TNXB: variants seen among roughly 807,000 people sequenced by gnomAD.
The protein encoded by TNXB is tenascin XB, also known as tenascin-X.
A neutral mutation model predicts 340.5 loss-of-function variants in TNXB; 183 were observed. The observed-to-expected ratio is 0.54, with a 90% CI of 0.48 to 0.61. The LOEUF is 0.61. Ranked by LOEUF, TNXB falls within the 20% of genes least tolerant of loss-of-function variation. The pLI, the probability that TNXB is intolerant of heterozygous loss-of-function variation, is 0.00. For missense variants in TNXB, 4,613 were observed against 5,446.4 expected (o/e 0.85, Z 4.82); for synonymous variants, 2,121 against 2,314.5 (o/e 0.92, Z 2.40).
rs1779823595 is a variant in TNXB, at chr6:32,087,144, G to A, written c.2780-1026C>T. ...CCCGGCCAGGTAGGGCCTGAAGGTA[G>A]AAGGGGGCAGTGGGGGGTGGCAGTG... is the stretch of plus-strand genomic sequence containing the variant. On this transcript the variant is annotated intron_variant, in intron 6 of 43. Coordinates refer to ENST00000644971, the MANE Select transcript of TNXB (RefSeq NM_001365276.2). This position sits in a 1 kb window ranked among gnomAD's most constrained non-coding sequence, Gnocchi z 9.0. 2.4e-6 allele frequency: 1 copy of A among 424,792 alleles called. No individual in the cohort carries two copies. Among genetic ancestry groups the A allele is most frequent in the African/African-American group, 2.0e-5 (1 of 49,702 alleles). The allele number at this position is 424,792 out of a possible 1,614,324, so 26.3% of individuals were successfully genotyped here.
intron 11 of TNXB, 90 bp downstream of exon 11, chr6:32,078,943 T>G: frequency 7.2e-7 from 1 of 1,383,812 alleles, no homozygotes; most frequent in Non-Finnish European, 9.7e-7. Flanking sequence ...AGCCTCAAGG[T>G]TCCACTGGAG....
rs765232560 is a variant in TNXB at position 32,050,041 on chromosome 6, G to C, written c.9396C>G (p.His3132Gln). The change falls in exon 27 of 44, where the codon CAC becomes CAG. Residue 3132 changes from histidine to glutamine, a missense_variant. Around this residue, in one of 7 missense-constraint regions of TNXB, gnomAD observed 4,327 missense variants for 4,859.4 expected, o/e 0.89. Transcript: ENST00000644971. ...HKYKMNLYGF[H>Q]GGQRVGPVSA... ...ACACAGGGCCTACGCGCTGGCCACC[G>C]TGGAAGCCGTACAGGTTCATCTTGT... is the stretch of plus-strand genomic sequence containing the variant. 6.2e-7 allele frequency: 1 copy of C among 1,613,812 alleles called. No individual in the cohort carries two copies. Among genetic ancestry groups the C allele is most frequent in the South Asian group, 1.1e-5 (1 of 91,088 alleles).
intron 13 of TNXB, among the ~76,000 whole-genome samples, chr6:32,071,712 A>G (rs764300826): frequency 2.6e-5 from 4 of 151,700 alleles, no homozygotes; most frequent in Non-Finnish European, 5.9e-5. Flanking sequence ...CAGACTCCCG[A>G]GTAGCTGGAA....
chr6:32,069,078 G>A lies in TNXB; in HGVS notation c.5646C>T (p.Pro1882=). The stretch of plus-strand genomic sequence containing the variant: ...CCTCCACTGTCAACTCCCCGAGGTG[G>A]GGCTCAGGCGCTGGAGGGGTCGGGG... ...TTAPTPPAPE[P]HLGELTVEEA... Residue 1882 remains proline (P), a synonymous_variant, in exon 16 of 44, where the codon CCC becomes CCT. Transcript: ENST00000644971. This position sits in a 1 kb window ranked among gnomAD's most constrained non-coding sequence, Gnocchi z 6.2. The A allele has an allele frequency of 1.2e-6, 2 of 1,612,718 alleles. No individual in the cohort carries two copies. Among genetic ancestry groups the A allele is most frequent in the South Asian group, 2.2e-5 (2 of 91,074 alleles).
At position 32,072,289 on chromosome 6, in the gene TNXB, G is replaced by T; in HGVS notation, c.4691C>A (p.Pro1564Gln). 1 of 1,597,488 alleles carries T rather than the reference G, an allele frequency of 6.3e-7. No individual in the cohort carries two copies. Among genetic ancestry groups the T allele is most frequent in the Non-Finnish European group, 8.5e-7 (1 of 1,170,308 alleles). Residue 1564 changes from proline (P) to glutamine (Q), a missense_variant, in exon 13 of 44, where the codon CCA (proline) becomes CAA (glutamine). Physicochemically the swap from Pro to Gln is moderately conservative, Grantham distance 76 (BLOSUM62 -1). This residue lies in a region of TNXB where 4,327 missense variants were observed against 4,859.4 expected (regional missense o/e 0.89). Coordinates refer to ENST00000644971, the MANE Select transcript of TNXB (RefSeq NM_001365276.2). This position sits in a 1 kb window ranked among gnomAD's most constrained non-coding sequence, Gnocchi z 4.4. ...LSVVIVTAPL[P>Q]PAPATEASKP... ...GGAGGCCTCTGTGGCTGGGGCTGGTGGGAGGGGAGCTGGGATTTGGGAAGA... is the reference window on the plus strand; with the variant it reads ...GGAGGCCTCTGTGGCTGGGGCTGGTTGGAGGGGAGCTGGGATTTGGGAAGA...
intron 1 of TNXB, among the ~76,000 whole-genome samples, chr6:32,102,927 A>C (rs1780794312): frequency 6.6e-6 from 1 of 152,118 alleles, no homozygotes; most frequent in Non-Finnish European, 1.5e-5. Flanking sequence ...TCAAAAAACA[A>C]ACAAAAAAAC....
In TNXB at chr6:32,050,071, AT is replaced by A. The variant is rs1777175670; in HGVS notation, c.9365del (p.His3122LeufsTer5). The part of the protein sequence containing the change: ...GVTISGLEPD[H>X]KYKMNLYGFH... ...AGCCGTACAGGTTCATCTTGTATTT[AT>A]GGTCTGGCTCCAGGCCTGAGATGGT... On this transcript the variant is annotated frameshift_variant, in exon 27 of 44. Transcript: ENST00000644971. LOFTEE classifies it high-confidence loss of function. 6.2e-7 allele frequency: 1 copy of A among 1,613,552 alleles called. No homozygotes were observed. Among genetic ancestry groups the A allele is most frequent in the African/African-American group, 1.3e-5 (1 of 74,900 alleles).
Position 32,058,424 on chromosome 6 carries a change from G to A in TNXB, c.7493-34C>T. 2 of 1,499,234 alleles carry A rather than the reference G, an allele frequency of 1.3e-6. No homozygotes were observed. Among genetic ancestry groups the A allele is most frequent in the African/African-American group, 1.4e-5 (1 of 70,932 alleles). The allele number at this position is 1,499,234 out of a possible 1,614,324, so 92.9% of individuals were successfully genotyped here. A position where few individuals can be genotyped will look rare whatever the true frequency, so the allele number is the denominator to read the frequency against. ...TAATATAGGGGGATACAGAGTTTAAGGGTTTAAGGGCAACTTGCTTTGCTG... is the reference window on the plus strand; with the variant it reads ...TAATATAGGGGGATACAGAGTTTAAAGGTTTAAGGGCAACTTGCTTTGCTG... On this transcript the variant is annotated intron_variant, in intron 21 of 43. Transcript: ENST00000644971. This position sits in a 1 kb window ranked among gnomAD's most constrained non-coding sequence, Gnocchi z 5.1.
rs373994388 is a variant in TNXB, at chr6:32,052,749, G to A, written c.9036C>T (p.Pro3012=). ...ESEVTVGGLE[P]GCKYKMHLYG... is the part of the protein sequence containing the mutation. ...ACAGGTGCATCTTGTATTTGCACCC[G>A]GGCTCCAGGCCCCCCACGGTGACCT... Residue 3012 remains proline (P), a synonymous_variant, in exon 26 of 44, where the codon CCC becomes CCT. Coordinates refer to ENST00000644971, the MANE Select transcript of TNXB (RefSeq NM_001365276.2). This position sits in a 1 kb window ranked among gnomAD's most constrained non-coding sequence, Gnocchi z 4.7. The A allele has an allele frequency of 9.9e-6, 16 of 1,613,524 alleles. No individual in the cohort carries two copies. Among genetic ancestry groups the A allele is most frequent in the Admixed American group, 8.3e-5 (5 of 59,984 alleles).
rs1355193511 is a variant in TNXB, at chr6:32,095,754, G to A, written c.2099C>T (p.Ala700Val). Residue 700 changes from alanine to valine, a missense_variant, in exon 3 of 44, where the codon GCA (alanine) becomes GTA (valine). This residue lies in a region of TNXB where 4,327 missense variants were observed against 4,859.4 expected (regional missense o/e 0.89). Coordinates refer to ENST00000644971, the MANE Select transcript of TNXB (RefSeq NM_001365276.2). ...GCCCTCTACACACACACACTGGCCT[G>A]CCCGGCACAGTTCCCGGGGCCCGCA... is the stretch of plus-strand genomic sequence containing the variant. The part of the protein sequence containing the change: ...GGCGPRELCR[A>V]GQCVCVEGFR... The A allele has an allele frequency of 1.2e-6, 2 of 1,613,652 alleles. No individual in the cohort carries two copies. The highest frequency in any genetic ancestry group is 1.1e-5 in the South Asian group (1 of 91,084).
At chr6:32,091,173 C>T (rs142674470) in intron 4 of TNXB, among the ~76,000 whole-genome samples, 1,922 of 152,306 alleles carry the variant, frequency 0.013, 26 homozygotes, top group Non-Finnish European at 0.02. Flanking sequence ...TGCAATGGCG[C>T]GATCTCAGCT....
At position 32,085,192 on chromosome 6, in the gene TNXB, C is replaced by A. The variant is rs745665926; in HGVS notation, c.3149-483G>T. Among the ~76,000 whole-genome samples, 4 of 152,050 alleles carry A rather than the reference C, an allele frequency of 2.6e-5. No individual in the cohort carries two copies. The highest frequency in any genetic ancestry group is 4.4e-5 in the Non-Finnish European group (3 of 68,004). On this transcript the variant is annotated intron_variant, in intron 7 of 43. Coordinates refer to ENST00000644971, the MANE Select transcript of TNXB (RefSeq NM_001365276.2). This position sits in a 1 kb window ranked among gnomAD's most constrained non-coding sequence, Gnocchi z 6.4. ...ACCCCAGGACCTGTCTTTCACTGGT[C>A]CTGCAAACCTCATCCATGTCTGAAG...
Position 32,067,805 on chromosome 6 carries a change from C to G in TNXB, c.6400G>C (p.Gly2134Arg), listed in dbSNP as rs763024425. Residue 2134 changes from glycine to arginine, a missense_variant, in exon 18 of 44, where the codon GGG becomes CGG. Transcript: ENST00000644971. The surrounding 1 kb of genome is among the most constrained non-coding windows in gnomAD (Gnocchi z 4.2). ...SFTVQYKDRDGRPQVVRVGGE... is the reference protein window; with the variant it reads ...SFTVQYKDRDRRPQVVRVGGE... ...CCAACACGCACCACCTGGGGCCGCC[C>G]GTCCCTGTCCTTGTACTGCACGGTG... 230 of 1,613,430 alleles carry G rather than the reference C, an allele frequency of 1.4e-4. 5 individuals carry two copies. In the Admixed American group the frequency reaches 3.7e-3, roughly 26 times the overall value.
Position 32,067,946 on chromosome 6 carries a change from T to A in TNXB, c.6259A>T (p.Met2087Leu). 5 of 1,612,382 alleles carry A rather than the reference T, an allele frequency of 3.1e-6. No individual in the cohort carries two copies. In the South Asian group the frequency reaches 5.5e-5, roughly 18 times the overall value. ...EETPSPTEPSMEAPEPAEEPL... is the reference protein window; with the variant it reads ...EETPSPTEPSLEAPEPAEEPL... ...TCCTCAGCGGGCTCCGGGGCCTCCA[T>A]GCTGGGTTCTGTGGGGCTGGGGGTC... The change falls in exon 18 of 44, where the codon ATG (methionine) becomes TTG (leucine). Residue 2087 changes from methionine (M) to leucine (L), a missense_variant. This residue lies in a region of TNXB where 4,327 missense variants were observed against 4,859.4 expected (regional missense o/e 0.89). Transcript: ENST00000644971. This position sits in a 1 kb window ranked among gnomAD's most constrained non-coding sequence, Gnocchi z 4.2.
rs1776965703 is a variant in TNXB, at chr6:32,047,475, AGGCT to A, written c.10324+255_10324+258del. On this transcript the variant is annotated intron_variant, in intron 30 of 43. Transcript: ENST00000644971. This position sits in a 1 kb window ranked among gnomAD's most constrained non-coding sequence, Gnocchi z 6.2. ...GGCTTGTCCATGGTCACCCTGGCAA[AGGCT>A]AGGACTGGAACTGGAACACAGATCT... Among the ~76,000 whole-genome samples the A allele has an allele frequency of 6.6e-6, 1 of 152,174 alleles. No individual in the cohort carries two copies. The highest frequency in any genetic ancestry group is 1.5e-5 in the Non-Finnish European group (1 of 68,022).
Position 32,096,638 on chromosome 6 carries a change from AG to A in TNXB, c.1214del (p.Pro405LeufsTer166). ...SGDDCGVRSC[P>X]GDCNQRGRCE... ...AGCGGCCCCTTTGGTTGCAGTCGCC[AG>A]GGCAGCTGCGCACGCCGCAGTCGTC... On this transcript the variant is annotated frameshift_variant, in exon 3 of 44. Coordinates refer to ENST00000644971, the MANE Select transcript of TNXB (RefSeq NM_001365276.2). LOFTEE classifies it high-confidence loss of function. 6.5e-7 allele frequency: 1 copy of A among 1,542,048 alleles called. No individual in the cohort carries two copies.
In TNXB at chr6:32,084,466, T is replaced by C. The variant is rs768297553; in HGVS notation, c.3392A>G (p.Tyr1131Cys). The change falls in exon 8 of 44, where the codon TAT becomes TGT. Residue 1131 changes from tyrosine (Y) to cysteine (C), a missense_variant. Coordinates refer to ENST00000644971, the MANE Select transcript of TNXB (RefSeq NM_001365276.2). This position sits in a 1 kb window ranked among gnomAD's most constrained non-coding sequence, Gnocchi z 5.5. Reference protein sequence around the residue: ...DPGRKYKFVLYGFVGKKRHGP... With the variant: ...DPGRKYKFVLCGFVGKKRHGP... ...ATGCCTCTTCTTGCCAACAAACCCA[T>C]ACAGGACAAATTTGTACTTGCGGCC... is the stretch of plus-strand genomic sequence containing the variant. 6 of 1,605,624 alleles carry C rather than the reference T, an allele frequency of 3.7e-6. No individual in the cohort carries two copies. The highest frequency in any genetic ancestry group is 3.3e-5 in the South Asian group (3 of 89,802).
chr6:32,064,755 TACTGAC>T lies in TNXB; in HGVS notation c.6841+60_6841+65del. 1.3e-6 allele frequency: 2 copies of T among 1,563,956 alleles called. No individual in the cohort carries two copies. Among genetic ancestry groups the T allele is most frequent in the South Asian group, 2.4e-5 (2 of 84,230 alleles). On this transcript the variant is annotated intron_variant, in intron 19 of 43. Coordinates refer to ENST00000644971, the MANE Select transcript of TNXB (RefSeq NM_001365276.2). This position sits in a 1 kb window ranked among gnomAD's most constrained non-coding sequence, Gnocchi z 5.3. ...GGGAAAGTAAAATAAAGCCACCAGA[TACTGAC>T]AATAAAAGGGAAACTGAGTCTAGTT...
chr6:32,072,223 G>A lies in TNXB; in HGVS notation c.4757C>T (p.Thr1586Met), dbSNP rs745343270. 8.7e-6 allele frequency: 14 copies of A among 1,611,252 alleles called. No homozygotes were observed. The East Asian group carries it at 1.6e-4, about 18-fold the overall frequency. The stretch of plus-strand genomic sequence containing the variant: ...GCCCACAGAGTCAGGGGTTATATCC[G>A]TCACTGTCAGCTCCCCTAGGCGTGG... ...LEPRLGELTV[T>M]DITPDSVGLS... The change falls in exon 13 of 44, where the codon ACG becomes ATG. Residue 1586 changes from threonine (T) to methionine (M), a missense_variant. Coordinates refer to ENST00000644971, the MANE Select transcript of TNXB (RefSeq NM_001365276.2). This position sits in a 1 kb window ranked among gnomAD's most constrained non-coding sequence, Gnocchi z 4.4.
Sources: gnomAD v4.1 joint callset for allele counts (sites outside exome capture counted in the v4.1 genomes callset) on GRCh38, gnomAD v4.1.1 for gene constraint, gnomAD v4.1.1 regional missense constraint, Gnocchi (gnomAD v3.1) non-coding constraint, MANE v1.5 for transcripts, NCBI Gene and HGNC (gene_info 2026-07-23, HGNC 2026-07-21) for gene names.